The following CA10 variants were observed in gnomAD, a reference collection of about 807,000 sequenced individuals.
CA10 encodes the protein carbonic anhydrase 10 (inactive), also known as carbonic anhydrase-related protein 10.
A neutral mutation model predicts 44.2 loss-of-function variants in CA10; 14 were observed. The ratio of observed to expected loss-of-function variants is 0.32; its 90% CI spans 0.21 to 0.50. CA10 has a LOEUF of 0.50. Ranked by LOEUF, CA10 falls within the 20% of genes least tolerant of loss-of-function variation. CA10 has a pLI of 0.99. For synonymous variants in CA10, 159 were observed against 141.6 expected, an observed-to-expected ratio of 1.12 and a Z score of -0.87; for missense variants, 350 against 409.7, an observed-to-expected ratio of 0.85 and a Z score of 1.26.
intron 2 of CA10, among the ~76,000 whole-genome samples, chr17:51,947,338 G>C (rs1983320294): frequency 6.6e-6 from 1 of 151,650 alleles, no homozygotes; most frequent in African/African-American, 2.4e-5. Context: ...GTGAATGGGA[G>C]AGCCTCATAA....
intron 1 of CA10, among the ~76,000 whole-genome samples, 190 bp downstream of exon 1, chr17:52,157,536 C>CCA (rs1555571066): frequency 6.8e-6 from 1 of 147,516 alleles, no homozygotes. Flanking sequence ...ACCACCCCCC[C>CCA]CCGCAAAACA....
At chr17:51,645,786 C>T (rs1913308148) in intron 6 of CA10, among the ~76,000 whole-genome samples, 1 of 152,224 alleles carries the variant, frequency 6.6e-6, no homozygotes, top group African/African-American at 2.4e-5. Flanking sequence ...GATACTTGCT[C>T]TTCTACTATG....
chr17:51,921,548 T>A (rs1377117758), intron 3 of CA10, among the ~76,000 whole-genome samples: 1 of 152,218 alleles, frequency 6.6e-6, no homozygotes, highest in Non-Finnish European at 1.5e-5. Flanking sequence ...CTTCCTCTTC[T>A]TCTGTACTTT....
intron 3 of CA10, among the ~76,000 whole-genome samples, chr17:51,859,404 C>T (rs548172304): frequency 9.7e-4 from 147 of 152,244 alleles, no homozygotes; most frequent in Middle Eastern, 6.8e-3. Flanking sequence ...TAATGTCTCC[C>T]CAGTGGCCAC....
At chr17:51,692,236 GTTT>G (rs34052168) in intron 4 of CA10, among the ~76,000 whole-genome samples, 40 of 128,218 alleles carry the variant, frequency 3.1e-4, no homozygotes, top group African/African-American at 9.2e-4. Context: ...TATTCTTAGG[GTTT>G]TTTTTTTTTT....
chr17:51,703,887 C>T (rs1019025342), intron 4 of CA10, among the ~76,000 whole-genome samples: 1 of 152,094 alleles, frequency 6.6e-6, no homozygotes, highest in African/African-American at 2.4e-5. Context: ...CAAACAACTG[C>T]AGTAAGTTTA....
At chr17:51,718,856 C>T (rs544203619) in intron 4 of CA10, among the ~76,000 whole-genome samples, 34 of 152,290 alleles carry the variant, frequency 2.2e-4, no homozygotes, top group Admixed American at 1.5e-3. Context: ...CCAGAGGTCA[C>T]AGAAGTGTTG....
chr17:51,679,264 C>CTTT (rs374164339), intron 4 of CA10, among the ~76,000 whole-genome samples: 1 of 136,258 alleles, frequency 7.3e-6, no homozygotes. Context: ...TTTTCTTTCT[C>CTTT]TTTTTTTTTT....
chr17:52,029,824 A>T (rs900082641), intron 2 of CA10, among the ~76,000 whole-genome samples: 19 of 151,758 alleles, frequency 1.3e-4, no homozygotes, highest in East Asian at 1.2e-3. Flanking sequence ...CATATGTTTC[A>T]TTTCAAATCC....
intron 3 of CA10, among the ~76,000 whole-genome samples, chr17:51,812,622 A>C (rs1391735812): frequency 1.3e-5 from 2 of 152,218 alleles, no homozygotes; most frequent in Non-Finnish European, 2.9e-5. Context: ...TTTAGGTGAT[A>C]AGGTAATTGA....
intron 2 of CA10, among the ~76,000 whole-genome samples, chr17:51,933,604 GATC>G (rs1451792165): frequency 6.6e-6 from 1 of 152,100 alleles, no homozygotes; most frequent in Non-Finnish European, 1.5e-5. Flanking sequence ...ATGCAGTTGT[GATC>G]ATTTGTTATG....
intron 2 of CA10, among the ~76,000 whole-genome samples, chr17:51,933,918 A>T (rs1461908968): frequency 6.6e-6 from 1 of 152,162 alleles, no homozygotes; most frequent in Non-Finnish European, 1.5e-5. Context: ...CCGCAAAAAC[A>T]CAAACAGGAA....
chr17:51,760,457 C>T (rs925573218), intron 3 of CA10, among the ~76,000 whole-genome samples: 2 of 151,996 alleles, frequency 1.3e-5, no homozygotes, highest in Non-Finnish European at 2.9e-5. Flanking sequence ...CAGCAGGGAG[C>T]GGTGGAGATG....
chr17:52,133,390 G>A (rs1308922695), intron 1 of CA10, among the ~76,000 whole-genome samples: 1 of 152,192 alleles, frequency 6.6e-6, no homozygotes, highest in Non-Finnish European at 1.5e-5. Flanking sequence ...CAAAGCAGGA[G>A]AGAAACTGTC....
chr17:51,913,223 ACT>A (rs1981858586), intron 3 of CA10, among the ~76,000 whole-genome samples: 1 of 152,130 alleles, frequency 6.6e-6, no homozygotes, highest in Non-Finnish European at 1.5e-5. Context: ...GTTTCAGGAC[ACT>A]CTCAGGAAAT....
intron 2 of CA10, among the ~76,000 whole-genome samples, chr17:51,992,414 G>A (rs1985074419): frequency 6.6e-6 from 1 of 151,926 alleles, no homozygotes; most frequent in South Asian, 2.1e-4. Context: ...CTGAGATCTG[G>A]AACTATTTAT....
chr17:51,866,223 C>T (rs998487026), intron 3 of CA10, among the ~76,000 whole-genome samples: 2 of 152,160 alleles, frequency 1.3e-5, no homozygotes, highest in Admixed American at 1.3e-4. Context: ...CCAACAATGC[C>T]CCAGGAAGGT....
intron 1 of CA10, among the ~76,000 whole-genome samples, chr17:52,156,356 G>C (rs1366226040): frequency 2.0e-5 from 3 of 152,202 alleles, no homozygotes; most frequent in African/African-American, 7.2e-5. Context: ...CACTAGAGGA[G>C]TTGGGGTGAC....
intron 4 of CA10, among the ~76,000 whole-genome samples, chr17:51,696,607 T>C (rs769748756): frequency 7.2e-5 from 11 of 152,202 alleles, no homozygotes; most frequent in Non-Finnish European, 1.0e-4. Flanking sequence ...ATTTTAGTTA[T>C]TTCTTCTCTT....
Sources: gnomAD v4.1 joint callset for allele counts (sites outside exome capture counted in the v4.1 genomes callset) on GRCh38, gnomAD v4.1.1 for gene constraint, MANE v1.5 for transcripts, NCBI Gene and HGNC (gene_info 2026-07-23, HGNC 2026-07-21) for gene names.